Variants in VRK2 observed in about 807,000 individuals in gnomAD.
VRK2 encodes the protein serine/threonine-protein kinase VRK2.
In VRK2, 60 loss-of-function variants were observed where a neutral mutation model predicts 57.6. The ratio of observed to expected loss-of-function variants is 1.04; its 90% CI spans 0.85 to 1.29. VRK2 has a LOEUF of 1.29. Among genes scored for constraint, VRK2 ranks in the 50% most tolerant of loss-of-function variants. The pLI is 0.00. For missense variants in VRK2, 705 were observed against 588.1 expected (o/e 1.20, Z -2.06); for synonymous variants, 231 against 199.2 (o/e 1.16, Z -1.35).
chr2:58,045,628 G>A (rs767295545), upstream of VRK2, among the ~76,000 whole-genome samples: 2 of 152,116 alleles, frequency 1.3e-5, no homozygotes, highest in African/African-American at 2.4e-5. Flanking sequence ...TTTTAGAAAC[G>A]TCTTCTCATG....
At chr2:58,134,726 G>A (rs1055765415) in intron 9 of VRK2, among the ~76,000 whole-genome samples, 1 of 151,710 alleles carries the variant, frequency 6.6e-6, no homozygotes, top group Non-Finnish European at 1.5e-5. Flanking sequence ...CTACACAGCT[G>A]TCTATTCTTC....
intron 1 of VRK2, among the ~76,000 whole-genome samples, chr2:58,024,101 T>C (rs1022853449): frequency 1.3e-5 from 2 of 151,892 alleles, no homozygotes; most frequent in African/African-American, 4.8e-5. Context: ...TTCTCCTGTC[T>C]CAGCCTCCCT....
chr2:57,960,159 C>A (rs533159052), intron 1 of VRK2, among the ~76,000 whole-genome samples: 48 of 152,154 alleles, frequency 3.2e-4, no homozygotes, highest in African/African-American at 1.2e-3. Flanking sequence ...TAAAGGTGTT[C>A]TTTAATTGGT....
intron 1 of VRK2, among the ~76,000 whole-genome samples, chr2:57,919,581 C>G (rs1670270070): frequency 6.6e-6 from 1 of 152,018 alleles, no homozygotes; most frequent in Admixed American, 6.6e-5. Flanking sequence ...CTTCATGTGA[C>G]AAAAATATAC....
Position 58,131,870 on chromosome 2 carries a change from A to G in VRK2, c.739A>G (p.Lys247Glu), listed in dbSNP as rs762051577. The change falls in exon 9 of 13, where the codon AAA (lysine) becomes GAA (glutamate). Residue 247 changes from lysine to glutamate, a missense_variant. Lys to Glu is a moderately conservative substitution (Grantham distance 56, BLOSUM62 1). Transcript: ENST00000340157. ...GYCMLRWLCG[K>E]LPWEQNLKDP... is the part of the protein sequence containing the mutation. ...CTGCATGCTGCGGTGGTTGTGTGGG[A>G]AACTTCCCTGGGAACAGAACCTGAA... 3.1e-6 allele frequency: 5 copies of G among 1,613,980 alleles called. No individual in the cohort carries two copies. The East Asian group carries it at 1.1e-4, about 36-fold the overall frequency.
intron 1 of VRK2, among the ~76,000 whole-genome samples, chr2:58,017,020 AAAAAAAAGTTTACTTTTTTTG>A (rs990689338): frequency 6.6e-6 from 1 of 151,974 alleles, no homozygotes; most frequent in African/African-American, 2.4e-5. Context: ...TCAAAAGGGG[AAAAAAAAGTTTACTTTTTTTG>A]TACCTTTATT....
intron 1 of VRK2, among the ~76,000 whole-genome samples, chr2:58,025,262 ATAT>A (rs932591759): frequency 1.2e-4 from 17 of 141,886 alleles, no homozygotes; most frequent in Non-Finnish European, 2.2e-4. Context: ...GGCATTGCTC[ATAT>A]TTTTTTTTTT....
chr2:58,025,042 C>T (rs759211533), intron 1 of VRK2, among the ~76,000 whole-genome samples: 1 of 152,122 alleles, frequency 6.6e-6, no homozygotes, highest in Non-Finnish European at 1.5e-5. Flanking sequence ...TTCATATGGT[C>T]ATTCTTTAGT....
At chr2:58,127,223 A>G (rs1313101108) in intron 8 of VRK2, among the ~76,000 whole-genome samples, 1 of 152,092 alleles carries the variant, frequency 6.6e-6, no homozygotes, top group Non-Finnish European at 1.5e-5. Context: ...ATTTCACTCT[A>G]ATCTAGCACT....
intron 1 of VRK2, among the ~76,000 whole-genome samples, chr2:57,967,944 A>T (rs930233170): frequency 6.6e-6 from 1 of 152,154 alleles, no homozygotes; most frequent in Non-Finnish European, 1.5e-5. Context: ...AGAATTAACA[A>T]AAAAGAAGGG....
At chr2:58,132,187 A>C (rs933834413) in intron 9 of VRK2, among the ~76,000 whole-genome samples, 5 of 152,228 alleles carry the variant, frequency 3.3e-5, no homozygotes, top group Admixed American at 2.6e-4. Flanking sequence ...GGTATTTCCA[A>C]AGCTTAGATT....
At chr2:57,959,544 T>A (rs1334729094) in intron 1 of VRK2, among the ~76,000 whole-genome samples, 1 of 152,164 alleles carries the variant, frequency 6.6e-6, no homozygotes, top group East Asian at 1.9e-4. Flanking sequence ...AGTAAGCTTC[T>A]AGTGTTAGCA....
At chr2:57,940,190 G>T (rs1671047900) in intron 1 of VRK2, among the ~76,000 whole-genome samples, 1 of 152,078 alleles carries the variant, frequency 6.6e-6, no homozygotes, top group Non-Finnish European at 1.5e-5. Context: ...TCTGCTATCT[G>T]CAGGATGACA....
At chr2:58,156,591 TTG>T in intron 12 of VRK2, among the ~76,000 whole-genome samples, 1 of 148,846 alleles carries the variant, frequency 6.7e-6, no homozygotes, top group African/African-American at 2.5e-5. Context: ...TTTTTTTGTT[TTG>T]TTTTGTTTTG....
intron 7 of VRK2, among the ~76,000 whole-genome samples, chr2:58,109,332 T>C (rs1233745029): frequency 6.6e-6 from 1 of 152,014 alleles, no homozygotes; most frequent in Non-Finnish European, 1.5e-5. Context: ...CTAAATAACT[T>C]TGTACATTGT....
Position 58,159,377 on chromosome 2 carries a change from A to G in VRK2, c.1211A>G (p.Gln404Arg). Reference protein sequence around the residue: ...QESTRRRQKYQESQEPLNEVN... With the variant: ...QESTRRRQKYRESQEPLNEVN... ...AGCACAAGGAGAAGACAGAAATATCAAGAGTCTCAAGAACCTTTGAATGAA... is the reference window on the plus strand; with the variant it reads ...AGCACAAGGAGAAGACAGAAATATCGAGAGTCTCAAGAACCTTTGAATGAA... The change falls in exon 13 of 13, where the codon CAA becomes CGA. Residue 404 changes from glutamine (Q) to arginine (R), a missense_variant. Transcript: ENST00000340157. 1 of 1,610,470 alleles carries G rather than the reference A, an allele frequency of 6.2e-7. No individual in the cohort carries two copies.
At chr2:58,103,366 A>G (rs908775082) in intron 7 of VRK2, among the ~76,000 whole-genome samples, 10 of 151,538 alleles carry the variant, frequency 6.6e-5, no homozygotes, top group Non-Finnish European at 1.5e-4. Context: ...ACTAACCAAG[A>G]ATAGAGAAGT....
chr2:58,065,428 G>A (rs1257008915), intron 2 of VRK2, among the ~76,000 whole-genome samples: 24 of 152,038 alleles, frequency 1.6e-4, no homozygotes, highest in Admixed American at 1.6e-3. Context: ...TAATGCCTTT[G>A]AGATTGACCC....
intron 1 of VRK2, among the ~76,000 whole-genome samples, chr2:57,967,778 C>CA (rs1558517488): frequency 6.6e-6 from 1 of 150,460 alleles, no homozygotes; most frequent in African/African-American, 2.5e-5. Flanking sequence ...TTTCATTAAA[C>CA]AAATAAAAAT....
Sources: allele counts gnomAD v4.1 joint callset (sites outside exome capture counted in the v4.1 genomes callset), GRCh38; gene constraint gnomAD v4.1.1; transcripts MANE v1.5; gene names NCBI Gene and HGNC (gene_info 2026-07-23, HGNC 2026-07-21).